The following ITGB5 variants were observed in gnomAD, a reference collection of about 807,000 sequenced individuals.
The protein encoded by ITGB5 is integrin subunit beta 5.
Under a neutral mutation model 84.8 loss-of-function variants are expected in ITGB5, and 38 were observed. That is an observed-to-expected ratio of 0.45 (90% CI 0.35 to 0.59). The LOEUF is 0.59. ITGB5 is among the 20% of genes least tolerant of loss of function. The probability of loss-of-function intolerance (pLI) is 0.01; values close to 1 mark genes in which losing one functional copy is unlikely to be tolerated. For synonymous variants in ITGB5, 393 were observed against 414.4 expected (o/e 0.95, Z 0.63); for missense variants, 905 against 1,034.5 (o/e 0.87, Z 1.72).
At chr3:124,765,244 A>T (rs1442416286) in intron 13 of ITGB5, among the ~76,000 whole-genome samples, 9 of 152,170 alleles carry the variant, frequency 5.9e-5, no homozygotes, top group Admixed American at 1.3e-4. Flanking sequence ...GTGATATCAG[A>T]TATTCCAGTT....
intron 1 of ITGB5, among the ~76,000 whole-genome samples, chr3:124,895,784 G>A (rs1161481473): frequency 5.3e-5 from 8 of 152,130 alleles, no homozygotes; most frequent in Admixed American, 2.0e-4. Context: ...TGTAGAATAC[G>A]GCCCCTCATA....
In ITGB5 at chr3:124,886,995, C is replaced by A; in HGVS notation, c.6G>T (p.Pro2=). 1 of 1,189,016 alleles carries A rather than the reference C, an allele frequency of 8.4e-7. No individual in the cohort carries two copies. The highest frequency in any genetic ancestry group is 1.0e-6 in the Non-Finnish European group (1 of 960,822). 73.7% of individuals were successfully genotyped at this position (1,189,016 alleles called of 1,614,324 possible). The change falls in exon 1 of 15, where the codon CCG becomes CCT. Residue 2 remains proline, a synonymous_variant. Coordinates refer to ENST00000296181, the MANE Select transcript of ITGB5 (RefSeq NM_002213.5). The part of the protein sequence containing the change: M[P]RAPAPLYACL... ...AGGCGTACAGCGGCGCCGGGGCCCG[C>A]GGCATGGTGGGGCGCCTCCCTCAGC...
intron 9 of ITGB5, among the ~76,000 whole-genome samples, chr3:124,802,423 A>G (rs1164589256): frequency 6.6e-6 from 1 of 152,174 alleles, no homozygotes; most frequent in Non-Finnish European, 1.5e-5. Context: ...CAGGGTTAAG[A>G]AAACCAGACT....
At chr3:124,778,742 G>A (rs1403935659) in intron 10 of ITGB5, among the ~76,000 whole-genome samples, 3 of 152,210 alleles carry the variant, frequency 2.0e-5, no homozygotes, top group Admixed American at 6.5e-5. Context: ...GAAGAAAGTC[G>A]TGCAGGATGG....
At chr3:124,896,536 C>T (rs1302444943) in intron 1 of ITGB5, among the ~76,000 whole-genome samples, 1 of 151,916 alleles carries the variant, frequency 6.6e-6, no homozygotes, top group Non-Finnish European at 1.5e-5. Context: ...ATTGCTTGAG[C>T]CCAGGAGCTT....
chr3:124,812,853 T>C (rs574382736), intron 8 of ITGB5, among the ~76,000 whole-genome samples: 3 of 152,206 alleles, frequency 2.0e-5, no homozygotes, highest in Non-Finnish European at 4.4e-5. Context: ...ACCACAGCCA[T>C]TGCATCTGTT....
chr3:124,795,051 T>C (rs2064202713), intron 10 of ITGB5, among the ~76,000 whole-genome samples: 1 of 152,050 alleles, frequency 6.6e-6, no homozygotes, highest in Non-Finnish European at 1.5e-5. Context: ...AGGAAGAGAC[T>C]TGGGGTGTCT....
chr3:124,766,059 C>CAAAAAAAAA (rs376914121), intron 13 of ITGB5, among the ~76,000 whole-genome samples, 167 bp downstream of exon 13: 1 of 104,484 alleles, frequency 9.6e-6, no homozygotes, highest in Non-Finnish European at 2.1e-5. Context: ...CAGCCTGTGT[C>CAAAAAAAAA]AAAAAAAAAA....
chr3:124,860,717 G>C (rs1278215773), intron 2 of ITGB5, among the ~76,000 whole-genome samples: 1 of 152,216 alleles, frequency 6.6e-6, no homozygotes, highest in Non-Finnish European at 1.5e-5. Context: ...GGAGGAGTTA[G>C]GACACTGGTC....
intron 7 of ITGB5, among the ~76,000 whole-genome samples, chr3:124,819,045 G>C (rs1450717909): frequency 1.3e-5 from 2 of 152,194 alleles, no homozygotes; most frequent in Non-Finnish European, 2.9e-5. Flanking sequence ...TGGCTCATCT[G>C]TGATTGTGAG....
intron 9 of ITGB5, among the ~76,000 whole-genome samples, chr3:124,805,054 T>TGCCCTGCCCTG (rs1553758103): frequency 4.0e-5 from 5 of 124,406 alleles, no homozygotes; most frequent in African/African-American, 1.5e-4. Context: ...CTGCCCTCCC[T>TGCCCTGCCCTG]CCCTGCCCTG....
chr3:124,870,583 C>T (rs886279941), intron 2 of ITGB5, among the ~76,000 whole-genome samples: 5 of 152,072 alleles, frequency 3.3e-5, no homozygotes, highest in East Asian at 1.9e-4. Context: ...AAAAACTAGC[C>T]GGGTGTGGTG....
chr3:124,851,632 C>CAA (rs2065156915), intron 3 of ITGB5, among the ~76,000 whole-genome samples: 1 of 151,712 alleles, frequency 6.6e-6, no homozygotes. Context: ...CACACACACA[C>CAA]ACACACACAC....
At chr3:124,804,990 CTTCT>C (rs200317893) in intron 9 of ITGB5, among the ~76,000 whole-genome samples, 4,494 of 150,986 alleles carry the variant, frequency 0.03, 110 homozygotes, top group African/African-American at 0.063. Flanking sequence ...TCCTTCCTTC[CTTCT>C]TTCTTTTTCT....
chr3:124,858,838 C>A (rs2065255585), intron 3 of ITGB5, among the ~76,000 whole-genome samples: 1 of 151,990 alleles, frequency 6.6e-6, no homozygotes, highest in Admixed American at 6.6e-5. Flanking sequence ...TACCAGGAAC[C>A]AAGGGAAAGA....
intron 1 of ITGB5, among the ~76,000 whole-genome samples, chr3:124,884,429 G>A (rs1295421456): frequency 2.0e-5 from 3 of 152,102 alleles, no homozygotes; most frequent in African/African-American, 7.2e-5. Flanking sequence ...GGCCAGCCGT[G>A]GTGGCTCACA....
chr3:124,787,590 C>T (rs758123144), intron 10 of ITGB5: 3 of 152,230 alleles, frequency 2.0e-5, no homozygotes, highest in Non-Finnish European at 4.4e-5. Flanking sequence ...TTATGAAGAA[C>T]GCTCAATGAA....
At chr3:124,772,899 C>T (rs1250547413) in intron 11 of ITGB5, among the ~76,000 whole-genome samples, 1 of 150,516 alleles carries the variant, frequency 6.6e-6, no homozygotes, top group Non-Finnish European at 1.5e-5. Context: ...GGGTGCCTTT[C>T]TCTCCAATTT....
intron 5 of ITGB5, among the ~76,000 whole-genome samples, chr3:124,825,946 A>C (rs999996589): frequency 2.0e-5 from 3 of 152,218 alleles, no homozygotes; most frequent in Non-Finnish European, 4.4e-5. Context: ...GAAAAGGTAA[A>C]TAAACTCAGA....
Sources: allele counts gnomAD v4.1 joint callset (sites outside exome capture counted in the v4.1 genomes callset), GRCh38; gene constraint gnomAD v4.1.1; transcripts MANE v1.5; gene names NCBI Gene and HGNC (gene_info 2026-07-23, HGNC 2026-07-21).